The following TPST2 variants were observed in gnomAD, a reference collection of about 807,000 sequenced individuals.
TPST2 encodes protein-tyrosine sulfotransferase 2.
Under a neutral mutation model 27.8 loss-of-function variants are expected in TPST2, and 16 were observed. The observed-to-expected ratio is 0.58, with a 90% CI of 0.39 to 0.88. The LOEUF is 0.88. TPST2 is among the 40% of genes least tolerant of loss of function. TPST2 has a pLI of 0.00. For synonymous variants in TPST2, 229 were observed against 231.7 expected (o/e 0.99, Z 0.10); for missense variants, 464 against 543.1 (o/e 0.85, Z 1.45).
intron 5 of TPST2, among the ~76,000 whole-genome samples, chr22:26,532,359 C>A (rs188151948): frequency 2.6e-5 from 4 of 152,186 alleles, no homozygotes; most frequent in Admixed American, 2.0e-4. Context: ...CAGCTCACTG[C>A]GACCTCTGCC....
intron 1 of TPST2, among the ~76,000 whole-genome samples, chr22:26,559,986 A>C (rs1927004744): frequency 6.6e-6 from 1 of 152,226 alleles, no homozygotes; most frequent in African/African-American, 2.4e-5. Context: ...TATCATATAC[A>C]TATCAATGCT....
chr22:26,582,219 GA>G (rs1467432194), intron 1 of TPST2, among the ~76,000 whole-genome samples: 1 of 152,140 alleles, frequency 6.6e-6, no homozygotes, highest in Admixed American at 6.5e-5. Flanking sequence ...TTGAGGTCAG[GA>G]GTTTGAGACC....
rs1236087523 is a variant in TPST2, at chr22:26,560,582, T to G, written c.-160-15907A>C. On this transcript the variant is annotated intron_variant, in intron 1 of 6. Coordinates refer to ENST00000338754, the MANE Select transcript of TPST2 (RefSeq NM_003595.5). ...GCAAAATGTCATCACATGCATTTTTTGGGCAAACTTGTCGGGAGGCGCATA... is the reference window on the plus strand; with the variant it reads ...GCAAAATGTCATCACATGCATTTTTGGGGCAAACTTGTCGGGAGGCGCATA... The G allele has an allele frequency of 7.4e-6, 7 of 947,954 alleles. No homozygotes were observed. In the East Asian group the frequency reaches 1.4e-4, roughly 19 times the overall value. The allele number at this position is 947,954 out of a possible 1,614,324, so 58.7% of individuals were successfully genotyped here. A position where few individuals can be genotyped will look rare whatever the true frequency, so the allele number is the denominator to read the frequency against.
intron 2 of TPST2, chr22:26,543,246 T>C (rs1183349128): frequency 2.0e-5 from 3 of 152,124 alleles, no homozygotes; most frequent in East Asian, 1.9e-4. Context: ...GCTGAAGAGG[T>C]TGGGGCTTCA....
intron 3 of TPST2, among the ~76,000 whole-genome samples, chr22:26,540,561 G>T (rs540563344): frequency 2.3e-4 from 35 of 152,174 alleles, no homozygotes; most frequent in Non-Finnish European, 1.5e-5. Flanking sequence ...GCAACAGACC[G>T]AGACACTGCC....
intron 1 of TPST2, among the ~76,000 whole-genome samples, chr22:26,576,071 A>G (rs958947002): frequency 1.3e-5 from 2 of 152,134 alleles, no homozygotes; most frequent in African/African-American, 4.8e-5. Flanking sequence ...TGCAAAGGAC[A>G]CACAAAAAAA....
intron 1 of TPST2, among the ~76,000 whole-genome samples, chr22:26,573,114 C>G (rs1301887522): frequency 3.3e-5 from 5 of 152,198 alleles, no homozygotes; most frequent in Non-Finnish European, 5.9e-5. Flanking sequence ...GCTCTACCTT[C>G]TTCCTCCAGG....
intron 1 of TPST2, among the ~76,000 whole-genome samples, chr22:26,547,192 G>A (rs567564742): frequency 6.6e-6 from 1 of 152,104 alleles, no homozygotes; most frequent in African/African-American, 2.4e-5. Flanking sequence ...GAGCTCAAGC[G>A]ATCCTCCCAG....
At chr22:26,526,473 T>C (rs185548649) in intron 6 of TPST2, among the ~76,000 whole-genome samples, 6 of 152,322 alleles carry the variant, frequency 3.9e-5, no homozygotes, top group Admixed American at 2.6e-4. Context: ...TGCATCCACT[T>C]GACCTCAAAT....
At chr22:26,564,801 G>A (rs1927302679) in intron 1 of TPST2, among the ~76,000 whole-genome samples, 1 of 152,080 alleles carries the variant, frequency 6.6e-6, no homozygotes, top group Non-Finnish European at 1.5e-5. Context: ...GCCCTTGATC[G>A]AACACTGAGT....
chr22:26,578,285 T>C (rs972977458), intron 1 of TPST2, among the ~76,000 whole-genome samples: 1 of 152,156 alleles, frequency 6.6e-6, no homozygotes, highest in Non-Finnish European at 1.5e-5. Flanking sequence ...TTAGCGCCCG[T>C]GTGCTTCGTC....
chr22:26,577,020 C>T (rs1293453096), intron 1 of TPST2, among the ~76,000 whole-genome samples: 4 of 145,812 alleles, frequency 2.7e-5, no homozygotes, highest in East Asian at 2.0e-4. Context: ...GGTGTGAACC[C>T]GGGAGGCGGA....
intron 1 of TPST2, among the ~76,000 whole-genome samples, chr22:26,575,600 T>C (rs1225691369): frequency 6.6e-6 from 1 of 152,194 alleles, no homozygotes; most frequent in Non-Finnish European, 1.5e-5. Flanking sequence ...GCATCCGGCA[T>C]AGAGCAGGCA....
At chr22:26,561,815 T>A (rs1927112293) in intron 1 of TPST2, among the ~76,000 whole-genome samples, 1 of 152,144 alleles carries the variant, frequency 6.6e-6, no homozygotes, top group Non-Finnish European at 1.5e-5. Flanking sequence ...CCATGGCAGA[T>A]GTTTGAGCAG....
intron 1 of TPST2, among the ~76,000 whole-genome samples, chr22:26,572,926 C>T (rs1210031442): frequency 1.3e-5 from 2 of 152,100 alleles, no homozygotes; most frequent in Admixed American, 1.3e-4. Flanking sequence ...ATGCGTTTTG[C>T]AGAAAGATGC....
chr22:26,562,825 G>A (rs1927181674), intron 1 of TPST2, among the ~76,000 whole-genome samples: 1 of 152,062 alleles, frequency 6.6e-6, no homozygotes, highest in Admixed American at 6.6e-5. Context: ...GTTTCACCAC[G>A]TTGGTCAGGC....
In TPST2 at chr22:26,563,331, C is replaced by CTT. The variant is rs369020254; in HGVS notation, c.-160-18658_-160-18657dup. ...TGGACCTCCTTCCCTCCCTCTTCTT[C>CTT]TTTTTTTTTTTTTTTTTAAGACAGA... is the stretch of plus-strand genomic sequence containing the variant. On this transcript the variant is annotated intron_variant, in intron 1 of 6. Coordinates refer to ENST00000338754, the MANE Select transcript of TPST2 (RefSeq NM_003595.5). 2.2e-4 allele frequency among the ~76,000 whole-genome samples: 29 copies of CTT among 133,664 alleles called. 1 individual carries two copies. The highest frequency in any genetic ancestry group is 7.8e-4 in the African/African-American group (28 of 36,088). 87.7% of individuals were successfully genotyped at this position (133,664 alleles called of 152,430 possible).
chr22:26,579,444 C>G (rs1212176429), intron 1 of TPST2, among the ~76,000 whole-genome samples: 1 of 152,174 alleles, frequency 6.6e-6, no homozygotes, highest in Non-Finnish European at 1.5e-5. Flanking sequence ...AGGGAGGGCC[C>G]TGGGGGCGTG....
intron 1 of TPST2, among the ~76,000 whole-genome samples, chr22:26,585,035 A>G (rs767779295): frequency 6.6e-6 from 1 of 152,224 alleles, no homozygotes; most frequent in Non-Finnish European, 1.5e-5. Context: ...CCTTCCATCC[A>G]GCACCCCTGG....
Sources: gnomAD v4.1 joint callset for allele counts (sites outside exome capture counted in the v4.1 genomes callset) on GRCh38, gnomAD v4.1.1 for gene constraint, MANE v1.5 for transcripts, NCBI Gene and HGNC (gene_info 2026-07-23, HGNC 2026-07-21) for gene names.